Variants in RNF150 observed in about 807,000 individuals in gnomAD.
RNF150 encodes ring finger protein 150.
A neutral mutation model predicts 39.3 loss-of-function variants in RNF150; 24 were observed. That is an observed-to-expected ratio of 0.61 (90% CI 0.44 to 0.86). RNF150 has a LOEUF of 0.86. Ranked by LOEUF, RNF150 falls within the 40% of genes least tolerant of loss-of-function variation. The pLI, the probability that RNF150 is intolerant of heterozygous loss-of-function variation, is 0.00. For synonymous variants in RNF150, 255 were observed against 227.3 expected, an observed-to-expected ratio of 1.12 and a Z score of -1.10; for missense variants, 502 against 587.8, an observed-to-expected ratio of 0.85 and a Z score of 1.51.
At chr4:141,066,221 C>A (rs1213341368) in intron 1 of RNF150, among the ~76,000 whole-genome samples, 1 of 141,048 alleles carries the variant, frequency 7.1e-6, no homozygotes, top group Non-Finnish European at 1.5e-5. Context: ...TAAAAGCTAT[C>A]ATTTGTTCAG....
At position 140,865,071 on chromosome 4, in the gene RNF150, T is replaced by C. The variant is rs376089553; in HGVS notation, c.*3190A>G. 9 of 152,110 alleles carry C rather than the reference T, an allele frequency of 5.9e-5. No individual in the cohort carries two copies. The highest frequency in any genetic ancestry group is 1.7e-4 in the African/African-American group (7 of 41,410). The allele number at this position is 152,110 out of a possible 1,614,324, so 9.4% of individuals were successfully genotyped here. A position where few individuals can be genotyped will look rare whatever the true frequency, so the allele number is the denominator to read the frequency against. ...ATACTGGAGGAACTCTAGACCTGCA[T>C]TGTCCAATTGGCAGCCACTAGCCAC... On this transcript the variant is annotated 3_prime_UTR_variant, in exon 7 of 7. Transcript: ENST00000515673.
chr4:140,969,756 C>CTTTTTTTTT (rs70946718), intron 1 of RNF150, among the ~76,000 whole-genome samples: 3 of 75,988 alleles, frequency 3.9e-5, no homozygotes, highest in African/African-American at 5.0e-5. Flanking sequence ...ACAAGTTTTA[C>CTTTTTTTTT]TTTTTTTTTT....
intron 1 of RNF150, among the ~76,000 whole-genome samples, chr4:141,206,896 G>C (rs1353795847): frequency 6.6e-6 from 1 of 151,940 alleles, no homozygotes; most frequent in Non-Finnish European, 1.5e-5. Flanking sequence ...GTGATTGAAG[G>C]CCTGAGAACC....
intron 1 of RNF150, among the ~76,000 whole-genome samples, chr4:141,046,045 C>T (rs1736562994): frequency 6.6e-6 from 1 of 151,936 alleles, no homozygotes; most frequent in African/African-American, 2.4e-5. Context: ...AAAATGACGT[C>T]ATAGGAAAGC....
At chr4:140,895,054 C>A (rs1181947983) in intron 6 of RNF150, among the ~76,000 whole-genome samples, 4 of 152,146 alleles carry the variant, frequency 2.6e-5, no homozygotes, top group African/African-American at 9.7e-5. Context: ...GAGAACATTA[C>A]CTTTGTGGAT....
Position 140,921,921 on chromosome 4 carries a change from C to A in RNF150, c.987+4056G>T, listed in dbSNP as rs557314554. Reference sequence around the variant, plus strand: ...AGGCCTTTGACAAAATTCAACAACGCTTCATGCTAAAAACTCTCAATAAAT... The same window carrying A: ...AGGCCTTTGACAAAATTCAACAACGATTCATGCTAAAAACTCTCAATAAAT... On this transcript the variant is annotated intron_variant, in intron 5 of 6. Transcript: ENST00000515673. Among the ~76,000 whole-genome samples the A allele has an allele frequency of 8.9e-3, 1,356 of 151,868 alleles. 13 individuals carry two copies. The highest frequency in any genetic ancestry group is 0.026 in the African/African-American group (1,079 of 41,464).
chr4:140,949,003 T>C (rs1287111719), intron 3 of RNF150, among the ~76,000 whole-genome samples: 2 of 152,208 alleles, frequency 1.3e-5, no homozygotes, highest in African/African-American at 4.8e-5. Context: ...TTGAGACCCA[T>C]TTCTAGTACA....
intron 6 of RNF150, among the ~76,000 whole-genome samples, chr4:140,909,777 C>T (rs911368789): frequency 6.6e-6 from 1 of 152,078 alleles, no homozygotes; most frequent in Non-Finnish European, 1.5e-5. Context: ...GCCTAATGGT[C>T]AACATTTCAA....
At chr4:140,921,720 T>C (rs890870573) in intron 5 of RNF150, among the ~76,000 whole-genome samples, 1 of 152,142 alleles carries the variant, frequency 6.6e-6, no homozygotes, top group Non-Finnish European at 1.5e-5. Flanking sequence ...AAAACCTCAA[T>C]AAAATACTGG....
At chr4:141,021,187 G>C (rs1457143944) in intron 1 of RNF150, among the ~76,000 whole-genome samples, 1 of 152,094 alleles carries the variant, frequency 6.6e-6, no homozygotes, top group Non-Finnish European at 1.5e-5. Context: ...GATGGTAGAG[G>C]CTGAGGAACC....
chr4:141,194,057 A>G (rs1361241030), intron 1 of RNF150, among the ~76,000 whole-genome samples: 2 of 152,246 alleles, frequency 1.3e-5, no homozygotes, highest in African/African-American at 4.8e-5. Context: ...ACATTTGAAC[A>G]TGCCATTTGA....
chr4:140,964,462 G>A (rs12331181), intron 2 of RNF150, among the ~76,000 whole-genome samples: 8,629 of 151,976 alleles, frequency 0.057, 650 homozygotes, highest in African/African-American at 0.17. Context: ...TAACAATGAG[G>A]CTGTTAATAA....
At chr4:140,878,619 T>G (rs964800178) in intron 6 of RNF150, among the ~76,000 whole-genome samples, 2 of 152,236 alleles carry the variant, frequency 1.3e-5, no homozygotes, top group African/African-American at 4.8e-5. Context: ...ATTCTGTAAT[T>G]TGAGTTGTAG....
At chr4:141,056,284 C>T (rs1736968004) in intron 1 of RNF150, among the ~76,000 whole-genome samples, 1 of 152,278 alleles carries the variant, frequency 6.6e-6, no homozygotes, top group Admixed American at 6.5e-5. Flanking sequence ...ATCTGTAACC[C>T]TAGCCCTTTC....
At chr4:140,869,259 C>T (rs113491134) in intron 6 of RNF150, among the ~76,000 whole-genome samples, 21 of 152,270 alleles carry the variant, frequency 1.4e-4, no homozygotes, top group African/African-American at 4.3e-4. Flanking sequence ...AAGACGTTCA[C>T]AGTATACTGT....
chr4:141,058,434 T>A (rs1737079862), intron 1 of RNF150, among the ~76,000 whole-genome samples: 1 of 152,070 alleles, frequency 6.6e-6, no homozygotes, highest in African/African-American at 2.4e-5. Flanking sequence ...ACCCTTTGAT[T>A]TTTAGTCTGC....
rs575951584 is a variant in RNF150 at position 141,068,323 on chromosome 4, A to C, written c.484+64002T>G. Reference sequence around the variant, plus strand: ...GCAAGTTTTAGCACTGATGTTGATCAAACAAGAAAAAAGTAGTTCCCAGGT... The same window carrying C: ...GCAAGTTTTAGCACTGATGTTGATCCAACAAGAAAAAAGTAGTTCCCAGGT... On this transcript the variant is annotated intron_variant, in intron 1 of 6. Coordinates refer to ENST00000515673, the MANE Select transcript of RNF150 (RefSeq NM_020724.2). Among the ~76,000 whole-genome samples, 14 of 152,334 alleles carry C rather than the reference A, an allele frequency of 9.2e-5. No individual in the cohort carries two copies. In the South Asian group the frequency reaches 2.9e-3, roughly 32 times the overall value.
intron 5 of RNF150, among the ~76,000 whole-genome samples, chr4:140,923,705 A>C (rs1018539369): frequency 6.6e-6 from 1 of 152,228 alleles, no homozygotes; most frequent in Non-Finnish European, 1.5e-5. Flanking sequence ...ACAATAGCAA[A>C]GATTTGGAAC....
intron 1 of RNF150, among the ~76,000 whole-genome samples, chr4:141,064,640 A>C (rs1202075994): frequency 3.3e-5 from 5 of 152,148 alleles, no homozygotes; most frequent in Non-Finnish European, 7.4e-5. Flanking sequence ...AAAAAATATA[A>C]AGATAATTAT....
Sources: gnomAD v4.1 joint callset for allele counts (sites outside exome capture counted in the v4.1 genomes callset) on GRCh38, gnomAD v4.1.1 for gene constraint, MANE v1.5 for transcripts, NCBI Gene and HGNC (gene_info 2026-07-23, HGNC 2026-07-21) for gene names.